SYNDIG1: variants seen among roughly 807,000 people sequenced by gnomAD.
SYNDIG1 encodes synapse differentiation-inducing gene protein 1.
A neutral mutation model predicts 19.4 loss-of-function variants in SYNDIG1; 9 were observed. The ratio of observed to expected loss-of-function variants is 0.46; its 90% CI spans 0.28 to 0.81. SYNDIG1 has a LOEUF of 0.81. Among genes scored for constraint, SYNDIG1 ranks in the 30% least tolerant of loss-of-function variants. The pLI, the probability that SYNDIG1 is intolerant of heterozygous loss-of-function variation, is 0.12. For synonymous variants in SYNDIG1, 141 were observed against 145.9 expected (o/e 0.97, Z 0.24); for missense variants, 311 against 343.3 (o/e 0.91, Z 0.74).
intron 3 of SYNDIG1, among the ~76,000 whole-genome samples, chr20:24,635,195 G>A (rs756946527): frequency 1.2e-4 from 18 of 152,210 alleles, no homozygotes; most frequent in Non-Finnish European, 2.5e-4. Context: ...CTGGCTTCAC[G>A]GTGGTGACTC....
chr20:24,507,440 G>T (rs1019520147), intron 1 of SYNDIG1, among the ~76,000 whole-genome samples: 1 of 152,226 alleles, frequency 6.6e-6, no homozygotes, highest in Non-Finnish European at 1.5e-5. Flanking sequence ...GAGAACCAGG[G>T]CTTTTCCGGA....
At chr20:24,540,039 C>T (rs1465398164) in intron 1 of SYNDIG1, among the ~76,000 whole-genome samples, 3 of 152,186 alleles carry the variant, frequency 2.0e-5, no homozygotes, top group Non-Finnish European at 4.4e-5. Flanking sequence ...ACTTCAGCCT[C>T]CCAAAGTACT....
intron 2 of SYNDIG1, among the ~76,000 whole-genome samples, chr20:24,567,145 G>T (rs185737835): frequency 6.6e-6 from 1 of 152,078 alleles, no homozygotes; most frequent in African/African-American, 2.4e-5. Context: ...TGGTTTGAAG[G>T]GTGAGTAAAG....
At chr20:24,627,999 C>T (rs1352115108) in intron 3 of SYNDIG1, among the ~76,000 whole-genome samples, 4 of 152,166 alleles carry the variant, frequency 2.6e-5, no homozygotes, top group African/African-American at 4.8e-5. Context: ...TGGTGTGCAG[C>T]GTGGATGTTA....
intron 2 of SYNDIG1, among the ~76,000 whole-genome samples, chr20:24,569,326 TTTTA>T (rs1212612304): frequency 1.3e-5 from 2 of 152,172 alleles, no homozygotes; most frequent in African/African-American, 4.8e-5. Context: ...GGCATCCCTG[TTTTA>T]CATGTGATGA....
rs1228459808 is a variant in SYNDIG1, at chr20:24,658,481, G to A, written c.619-6865G>A. The stretch of plus-strand genomic sequence containing the variant: ...CAGGCGCTCTGGCCGTACCCTGGGG[G>A]GTGAAAGCCCTTCCCCAGTGACCTG... On this transcript the variant is annotated intron_variant, in intron 3 of 3. Transcript: ENST00000376862. This position sits in a 1 kb window ranked among gnomAD's most constrained non-coding sequence, Gnocchi z 4.4. 6.6e-6 allele frequency among the ~76,000 whole-genome samples: 1 copy of A among 152,070 alleles called. No individual in the cohort carries two copies. Among genetic ancestry groups the A allele is most frequent in the East Asian group, 1.9e-4 (1 of 5,168 alleles).
At chr20:24,579,550 T>C (rs1255320177) in intron 2 of SYNDIG1, among the ~76,000 whole-genome samples, 1 of 152,228 alleles carries the variant, frequency 6.6e-6, no homozygotes, top group Non-Finnish European at 1.5e-5. Context: ...TAGGACCTTC[T>C]GAGGTGGTGG....
At chr20:24,580,187 G>A (rs534495074) in intron 2 of SYNDIG1, among the ~76,000 whole-genome samples, 3 of 152,320 alleles carry the variant, frequency 2.0e-5, no homozygotes, top group East Asian at 1.9e-4. Flanking sequence ...GCTGCAGTGC[G>A]TGATGAGTCT....
At chr20:24,488,669 C>A (rs73901845) in intron 1 of SYNDIG1, among the ~76,000 whole-genome samples, 1 of 152,254 alleles carries the variant, frequency 6.6e-6, no homozygotes, top group African/African-American at 2.4e-5. Context: ...CTCGTTTGTT[C>A]AGCCTTTGCC....
At position 24,630,529 on chromosome 20, in the gene SYNDIG1, G is replaced by A. The variant is rs187879420; in HGVS notation, c.619-34817G>A. Among the ~76,000 whole-genome samples, 322 of 152,324 alleles carry A rather than the reference G, an allele frequency of 2.1e-3. 1 individual carries two copies. The highest frequency in any genetic ancestry group is 1.6e-3 in the Non-Finnish European group (110 of 68,032). On this transcript the variant is annotated intron_variant, in intron 3 of 3. Transcript: ENST00000376862. ...ACTGGAAACAACCCAGGAGAGCAGA[G>A]AAACAGCCAGAGAGTCTATCTCAAG...
chr20:24,571,436 T>C (rs2058141866), intron 2 of SYNDIG1, among the ~76,000 whole-genome samples: 1 of 152,192 alleles, frequency 6.6e-6, no homozygotes, highest in Non-Finnish European at 1.5e-5. Flanking sequence ...TGTTCTATTT[T>C]TGAAAATTTT....
intron 3 of SYNDIG1, among the ~76,000 whole-genome samples, chr20:24,591,422 G>A (rs768547235): frequency 3.7e-4 from 57 of 152,134 alleles, no homozygotes; most frequent in Middle Eastern, 6.8e-3. Context: ...TGCAAAGAGA[G>A]TAGCTGAACA....
At chr20:24,544,300 G>T (rs6049774) in intron 2 of SYNDIG1, among the ~76,000 whole-genome samples, 1 of 152,156 alleles carries the variant, frequency 6.6e-6, no homozygotes, top group African/African-American at 2.4e-5. Context: ...ATGGACTAGC[G>T]GTTTGCTGCC....
At chr20:24,515,119 T>A (rs1403002055) in intron 1 of SYNDIG1, among the ~76,000 whole-genome samples, 1 of 152,132 alleles carries the variant, frequency 6.6e-6, no homozygotes, top group Non-Finnish European at 1.5e-5. Flanking sequence ...GGGACACATT[T>A]AAAACAGTGT....
chr20:24,549,545 G>C (rs1029108494), intron 2 of SYNDIG1, among the ~76,000 whole-genome samples: 4 of 152,214 alleles, frequency 2.6e-5, no homozygotes, highest in Admixed American at 1.3e-4. Context: ...GGCAGGTGCA[G>C]AGGCTGGGGC....
At chr20:24,637,079 G>A (rs887372572) in intron 3 of SYNDIG1, among the ~76,000 whole-genome samples, 7 of 152,216 alleles carry the variant, frequency 4.6e-5, no homozygotes, top group Non-Finnish European at 1.0e-4. Context: ...GCAGCCACGG[G>A]CAGGGCCCGG....
chr20:24,515,949 C>T (rs1265925251), intron 1 of SYNDIG1, among the ~76,000 whole-genome samples: 1 of 152,152 alleles, frequency 6.6e-6, no homozygotes. Context: ...TACTACAAGG[C>T]TACAGTAACC....
At chr20:24,628,789 A>T (rs1226124100) in intron 3 of SYNDIG1, among the ~76,000 whole-genome samples, 1 of 152,026 alleles carries the variant, frequency 6.6e-6, no homozygotes, top group Non-Finnish European at 1.5e-5. Context: ...GGGCTCTGTC[A>T]CCATTATCCG....
At chr20:24,644,667 G>T (rs1429800638) in intron 3 of SYNDIG1, among the ~76,000 whole-genome samples, 1 of 152,218 alleles carries the variant, frequency 6.6e-6, no homozygotes, top group African/African-American at 2.4e-5. Flanking sequence ...TGGTCAACAG[G>T]CTTAGTCTCT....
Sources: allele counts gnomAD v4.1 joint callset (sites outside exome capture counted in the v4.1 genomes callset), GRCh38; gene constraint gnomAD v4.1.1; non-coding constraint Gnocchi (gnomAD v3.1); transcripts MANE v1.5; gene names NCBI Gene and HGNC (gene_info 2026-07-23, HGNC 2026-07-21).